TDP1: variants seen among roughly 807,000 people sequenced by gnomAD.
The protein encoded by TDP1 is tyrosyl-DNA phosphodiesterase 1.
A neutral mutation model predicts 81.5 loss-of-function variants in TDP1; 64 were observed. The ratio of observed to expected loss-of-function variants is 0.79; its 90% CI spans 0.64 to 0.97. The LOEUF is 0.97. Among genes scored for constraint, TDP1 ranks in the 50% least tolerant of loss-of-function variants. The probability of loss-of-function intolerance (pLI) is 0.00; values close to 1 mark genes in which losing one functional copy is unlikely to be tolerated. For synonymous variants in TDP1, 256 were observed against 264.3 expected (o/e 0.97, Z 0.30); for missense variants, 723 against 743.8 (o/e 0.97, Z 0.33).
chr14:90,005,952 G>A (rs1350360782), intron 14 of TDP1, among the ~76,000 whole-genome samples: 2 of 152,162 alleles, frequency 1.3e-5, no homozygotes, highest in Non-Finnish European at 2.9e-5. Context: ...TAAAGTCCTT[G>A]TAATTCCATC....
chr14:90,018,549 C>G (rs1283582615), intron 14 of TDP1, among the ~76,000 whole-genome samples: 3 of 152,120 alleles, frequency 2.0e-5, no homozygotes, highest in African/African-American at 7.2e-5. Flanking sequence ...CAACCTCCAC[C>G]TCCCAGGCTC....
At chr14:90,031,671 A>G (rs1044802921) in intron 15 of TDP1, among the ~76,000 whole-genome samples, 1 of 151,848 alleles carries the variant, frequency 6.6e-6, no homozygotes, top group African/African-American at 2.4e-5. Flanking sequence ...AAACAAAGAA[A>G]CCTAATAAAA....
chr14:90,016,233 A>G (rs1885295172), intron 14 of TDP1, among the ~76,000 whole-genome samples: 1 of 151,920 alleles, frequency 6.6e-6, no homozygotes, highest in Non-Finnish European at 1.5e-5. Flanking sequence ...TAGTGGAGAC[A>G]GGGTTTCTCC....
intron 2 of TDP1, chr14:89,962,873 CA>C (rs113407792): frequency 0.047 from 28,983 of 613,152 alleles, no homozygotes; most frequent in Middle Eastern, 0.056. Flanking sequence ...GACCCTGTTT[CA>C]AAAAAAAAAA....
At chr14:89,992,815 A>G (rs1364691859) in intron 13 of TDP1, among the ~76,000 whole-genome samples, 2 of 152,224 alleles carry the variant, frequency 1.3e-5, no homozygotes, top group Non-Finnish European at 2.9e-5. Flanking sequence ...TTGTTGCTTC[A>G]TGATATAGGT....
intron 7 of TDP1, among the ~76,000 whole-genome samples, chr14:89,976,542 T>TA (rs1894351792): frequency 7.4e-6 from 1 of 135,870 alleles, no homozygotes; most frequent in African/African-American, 2.9e-5. Flanking sequence ...TTTTTTTTTT[T>TA]TTTTTTTTTT....
At chr14:90,019,556 A>ACCG in intron 15 of TDP1, 138 bp downstream of exon 15, 1 of 693,062 alleles carries the variant, frequency 1.4e-6, no homozygotes, top group Non-Finnish European at 2.7e-6. Context: ...TGCACTCTTA[A>ACCG]CCGCTGGTCT....
intron 13 of TDP1, chr14:89,992,870 A>G: frequency 1.1e-6 from 1 of 946,324 alleles, no homozygotes; most frequent in African/African-American, 1.8e-5. Flanking sequence ...TAGAAACCAA[A>G]CTCAGATTTG....
chr14:90,004,067 A>C (rs1897420047), intron 14 of TDP1, among the ~76,000 whole-genome samples: 1 of 152,140 alleles, frequency 6.6e-6, no homozygotes, highest in Non-Finnish European at 1.5e-5. Context: ...CTTTGTTACA[A>C]ATGATGGTTA....
At chr14:89,975,913 A>G (rs1229889820) in intron 7 of TDP1, 98 bp downstream of exon 7, 4 of 927,558 alleles carry the variant, frequency 4.3e-6, no homozygotes, top group Admixed American at 1.7e-5. Flanking sequence ...AGGCCCACCT[A>G]GGATCTAGCA....
chr14:89,996,719 G>T (rs1896677704), intron 14 of TDP1, among the ~76,000 whole-genome samples: 1 of 152,204 alleles, frequency 6.6e-6, no homozygotes, highest in Non-Finnish European at 1.5e-5. Context: ...AACTATGAAG[G>T]TTTAAGGTGC....
chr14:89,968,591 G>A (rs547518697), intron 5 of TDP1, among the ~76,000 whole-genome samples: 2 of 152,358 alleles, frequency 1.3e-5, no homozygotes, highest in South Asian at 2.1e-4. Context: ...GGCTAGAAAT[G>A]TCTTTTAGCT....
intron 2 of TDP1, among the ~76,000 whole-genome samples, chr14:89,957,957 C>T (rs1029837247): frequency 8.5e-5 from 13 of 152,176 alleles, no homozygotes; most frequent in South Asian, 2.1e-4. Flanking sequence ...GCCCAGATCC[C>T]GTGGCCACTA....
intron 7 of TDP1, chr14:89,980,198 T>A (rs1894814933): frequency 1.0e-6 from 1 of 985,312 alleles, no homozygotes; most frequent in South Asian, 4.7e-5. Flanking sequence ...ACTTTGAATC[T>A]CAAACACCAG....
At chr14:89,997,724 T>C (rs945877476) in intron 14 of TDP1, among the ~76,000 whole-genome samples, 15 of 152,154 alleles carry the variant, frequency 9.9e-5, no homozygotes, top group African/African-American at 2.4e-4. Flanking sequence ...AACAAATGAA[T>C]TGGATTCAAG....
At position 90,013,794 on chromosome 14, in the gene TDP1, C is replaced by G. The variant is rs561725459; in HGVS notation, c.1542-5522C>G. 1.1e-4 allele frequency among the ~76,000 whole-genome samples: 16 copies of G among 152,264 alleles called. 1 individual carries two copies. The South Asian group carries it at 3.1e-3, about 30-fold the overall frequency. On this transcript the variant is annotated intron_variant, in intron 14 of 16. Coordinates refer to ENST00000335725, the MANE Select transcript of TDP1 (RefSeq NM_018319.4). ...TTTCCCCCATACTGTTCTCATGGTACTGAATAAGTCTCAGGAGATCTGATG... is the reference window on the plus strand; with the variant it reads ...TTTCCCCCATACTGTTCTCATGGTAGTGAATAAGTCTCAGGAGATCTGATG...
chr14:89,985,031 C>G, intron 9 of TDP1, 101 bp from the exon 10 acceptor site: 1 of 1,318,854 alleles, frequency 7.6e-7, no homozygotes, highest in Non-Finnish European at 1.0e-6. Flanking sequence ...GCTCTTAGAT[C>G]ATTTCTTGAT....
chr14:89,972,829 TCTTTC>T (rs1478131739), intron 6 of TDP1, among the ~76,000 whole-genome samples: 2 of 152,236 alleles, frequency 1.3e-5, no homozygotes, highest in Admixed American at 6.5e-5. Context: ...ATAGCCCTTT[TCTTTC>T]CTTATCGTTA....
At chr14:89,960,908 A>G (rs1182738426) in intron 2 of TDP1, among the ~76,000 whole-genome samples, 2 of 152,286 alleles carry the variant, frequency 1.3e-5, no homozygotes, top group East Asian at 3.9e-4. Context: ...CATGAGATCT[A>G]TACATTTAGA....
Sources: allele counts gnomAD v4.1 joint callset (sites outside exome capture counted in the v4.1 genomes callset), GRCh38; gene constraint gnomAD v4.1.1; transcripts MANE v1.5; gene names NCBI Gene and HGNC (gene_info 2026-07-23, HGNC 2026-07-21).